Variants in COL6A3 observed in about 807,000 individuals in gnomAD.
COL6A3 encodes collagen type VI alpha 3 chain, also known as collagen alpha-3(VI) chain.
In COL6A3, 137 loss-of-function variants were observed where a neutral mutation model predicts 274.1. That is an observed-to-expected ratio of 0.50 (90% CI 0.44 to 0.58). The LOEUF is 0.58. Ranked by LOEUF, COL6A3 falls within the 20% of genes least tolerant of loss-of-function variation. The pLI is 0.00. For missense variants in COL6A3, 3,950 were observed against 4,124.9 expected (o/e 0.96, Z 1.16); for synonymous variants, 1,650 against 1,650.6 (o/e 1.00, Z 0.01).
At chr2:237,401,205 A>G (rs941553838) in intron 1 of COL6A3, among the ~76,000 whole-genome samples, 1 of 152,236 alleles carries the variant, frequency 6.6e-6, no homozygotes, top group African/African-American at 2.4e-5. Context: ...AACTGAAAAC[A>G]GAATTATCAT....
rs141280228 is a variant in COL6A3 at position 237,379,156 on chromosome 2, G to A, written c.1977C>T (p.Arg659=). The part of the protein sequence containing the change: ...NVGKTNFPYV[R]DFVMNLVNSL... ...TGTTAACTAGGTTCATTACAAAGTC[G>A]CGCACATAAGGGAAATTGGTTTTTC... Residue 659 remains arginine (R), a synonymous_variant, in exon 6 of 44, where the codon CGC becomes CGT. Transcript: ENST00000295550. 8.1e-5 allele frequency: 131 copies of A among 1,614,048 alleles called. No individual in the cohort carries two copies. Among genetic ancestry groups the A allele is most frequent in the Admixed American group, 1.2e-4 (7 of 60,000 alleles).
In COL6A3 at chr2:237,371,249, C is replaced by T. The variant is rs114653728; in HGVS notation, c.4285+483G>A. ...CTCCCTGGATGCCATGAGCAATAGA[C>T]CCAACTTGTTCAGTCGCAGGTGTGT... is the stretch of plus-strand genomic sequence containing the variant. On this transcript the variant is annotated intron_variant, in intron 9 of 43. Coordinates refer to ENST00000295550, the MANE Select transcript of COL6A3 (RefSeq NM_004369.4). The surrounding 1 kb of genome is among the most constrained non-coding windows in gnomAD (Gnocchi z 4.3). Among the ~76,000 whole-genome samples the T allele has an allele frequency of 5.7e-3, 863 of 152,266 alleles. 3 individuals carry two copies. The highest frequency in any genetic ancestry group is 0.02 in the African/African-American group (825 of 41,554).
At position 237,368,797 on chromosome 2, in the gene COL6A3, C is replaced by T. The variant is rs1278099082; in HGVS notation, c.4666G>A (p.Val1556Met). Residue 1556 changes from valine to methionine, a missense_variant, in exon 10 of 44, where the codon GTG becomes ATG. Physicochemically the swap from Val to Met is conservative, Grantham distance 21. Coordinates refer to ENST00000295550, the MANE Select transcript of COL6A3 (RefSeq NM_004369.4). The surrounding 1 kb of genome is among the most constrained non-coding windows in gnomAD (Gnocchi z 4.4). ...LVLGGKSQDDVSRFAQVIRSS... is the reference protein window; with the variant it reads ...LVLGGKSQDDMSRFAQVIRSS... ...CGGATCACCTGGGCGAACCTGGACA[C>T]ATCGTCCTGGGATTTTCCACCCAGG... The T allele has an allele frequency of 6.2e-7, 1 of 1,614,246 alleles. No individual in the cohort carries two copies. Among genetic ancestry groups the T allele is most frequent in the Non-Finnish European group, 8.5e-7 (1 of 1,180,042 alleles).
At chr2:237,375,878 G>A (rs67210443) in intron 7 of COL6A3, among the ~76,000 whole-genome samples, 41,469 of 152,090 alleles carry the variant, frequency 0.27, 5,699 homozygotes, top group Middle Eastern at 0.32. Flanking sequence ...GTGTTACTTT[G>A]TTATAACAGC....
At chr2:237,341,616 G>A (rs1184255478) in intron 37 of COL6A3, among the ~76,000 whole-genome samples, 1 of 149,284 alleles carries the variant, frequency 6.7e-6, no homozygotes, top group East Asian at 2.0e-4. Flanking sequence ...ATTTGATTAT[G>A]GCCAGATTTC....
At chr2:237,358,859 ATGTAC>A (rs1291135977) in intron 20 of COL6A3, among the ~76,000 whole-genome samples, 171 bp downstream of exon 20, 1 of 152,192 alleles carries the variant, frequency 6.6e-6, no homozygotes, top group African/African-American at 2.4e-5. Flanking sequence ...AAACAAGAAA[ATGTAC>A]TGTAATGTGT....
chr2:237,351,276 T>C, intron 26 of COL6A3, 84 bp from the exon 27 acceptor site: 3 of 1,349,470 alleles, frequency 2.2e-6, no homozygotes, highest in Admixed American at 1.7e-5. Context: ...CTCCCCTGCA[T>C]GGAAGTCAGA....
intron 38 of COL6A3, 29 bp from the exon 39 acceptor site, chr2:237,339,146 G>T: frequency 6.8e-7 from 1 of 1,460,552 alleles, no homozygotes; most frequent in Non-Finnish European, 9.6e-7. Flanking sequence ...GAAAACAATT[G>T]AACCGCATGC....
At chr2:237,381,702 C>G (rs1426017201) in intron 4 of COL6A3, among the ~76,000 whole-genome samples, 1 of 152,232 alleles carries the variant, frequency 6.6e-6, no homozygotes, top group African/African-American at 2.4e-5. Context: ...AGCTGGCTCA[C>G]CTTCCACCCT....
chr2:237,327,630 A>G (rs1412126231), intron 42 of COL6A3: 1 of 152,212 alleles, frequency 6.6e-6, no homozygotes, highest in African/African-American at 2.4e-5. Context: ...GAAAACCAAG[A>G]GAAATATATT....
intron 4 of COL6A3, 23 bp from the exon 5 acceptor site, chr2:237,381,522 G>T: frequency 1.3e-6 from 2 of 1,566,346 alleles, no homozygotes; most frequent in Non-Finnish European, 1.7e-6. Context: ...ACATTATAAG[G>T]CAATTAGAAT....
Position 237,352,517 on chromosome 2 carries a change from C to A in COL6A3, c.6753+5G>T. 1.2e-6 allele frequency: 2 copies of A among 1,610,806 alleles called. No homozygotes were observed. Among genetic ancestry groups the A allele is most frequent in the Non-Finnish European group, 1.7e-6 (2 of 1,178,672 alleles). On this transcript the variant is annotated splice_donor_5th_base_variant and intron_variant, in intron 26 of 43. Transcript: ENST00000295550. ...GAGAGGGGGCTGGTATTAGGACAGGCTTACCCGAGGTCCAGAAATGCCTTG... is the reference window on the plus strand; with the variant it reads ...GAGAGGGGGCTGGTATTAGGACAGGATTACCCGAGGTCCAGAAATGCCTTG...
At chr2:237,403,699 T>G (rs190513883) in intron 1 of COL6A3, among the ~76,000 whole-genome samples, 371 of 152,238 alleles carry the variant, frequency 2.4e-3, no homozygotes, top group African/African-American at 8.2e-3. Flanking sequence ...CAGTCTCCAG[T>G]GCTTGTGCTG....
rs35490728 is a variant in COL6A3 at position 237,332,117 on chromosome 2, A to ATATATATATATATATATATG, written c.9328+1332_9328+1333insCATATATATATATATATATA. Among the ~76,000 whole-genome samples, 74 of 64,200 alleles carry ATATATATATATATATATATG rather than the reference A, an allele frequency of 1.2e-3. 11 individuals are homozygous for ATATATATATATATATATATG. The highest frequency in any genetic ancestry group is 3.4e-3 in the South Asian group (5 of 1,468). The allele number at this position is 64,200 out of a possible 152,430, so 42.1% of individuals were successfully genotyped here. On this transcript the variant is annotated intron_variant, in intron 42 of 43. Coordinates refer to ENST00000295550, the MANE Select transcript of COL6A3 (RefSeq NM_004369.4). ...TATATATATATATATATATATATAT[A>ATATATATATATATATATATG]TGAAAAGAAAAACAAAACAGCCCAG... is the stretch of plus-strand genomic sequence containing the variant.
At chr2:237,393,670 C>T (rs73093789) in intron 3 of COL6A3, among the ~76,000 whole-genome samples, 1,951 of 152,256 alleles carry the variant, frequency 0.013, 55 homozygotes, top group African/African-American at 0.044. Context: ...CTCTGCCCAT[C>T]GCTGATGAGT....
chr2:237,378,901 C>T lies in COL6A3; in HGVS notation c.2232G>A (p.Pro744=), dbSNP rs368826874. The T allele has an allele frequency of 1.6e-5, 26 of 1,614,100 alleles. No individual in the cohort carries two copies. Among genetic ancestry groups the T allele is most frequent in the African/African-American group, 5.3e-5 (4 of 74,942 alleles). The change falls in exon 6 of 44, where the codon CCG becomes CCA. Residue 744 remains proline, a synonymous_variant. Coordinates refer to ENST00000295550, the MANE Select transcript of COL6A3 (RefSeq NM_004369.4). ...AGGSRIREHV[P]QLLLLLTAGQ... ...CAGCTGTGAGCAGAAGCAGGAGCTG[C>T]GGCACGTGTTCACGGATCCTGCTGC...
intron 26 of COL6A3, 42 bp from the exon 27 acceptor site, chr2:237,351,234 C>G: frequency 6.3e-7 from 1 of 1,598,982 alleles, no homozygotes; most frequent in Non-Finnish European, 8.6e-7. Flanking sequence ...AGTGGCCAAC[C>G]GTCCAGGCAA....
intron 7 of COL6A3, among the ~76,000 whole-genome samples, chr2:237,375,678 G>A (rs2077820170): frequency 6.6e-6 from 1 of 152,136 alleles, no homozygotes; most frequent in Non-Finnish European, 1.5e-5. Flanking sequence ...GAGTAGCTGG[G>A]ATTACAGGCA....
chr2:237,381,475 A>C lies in COL6A3; in HGVS notation c.1337T>G (p.Ile446Arg). 1 of 1,605,124 alleles carries C rather than the reference A, an allele frequency of 6.2e-7. No homozygotes were observed. The change falls in exon 5 of 44, where the codon ATA (isoleucine) becomes AGA (arginine). Residue 446 changes from isoleucine to arginine, a missense_variant. Physicochemically the swap from Ile to Arg is moderately conservative, Grantham distance 97 (BLOSUM62 -3). Coordinates refer to ENST00000295550, the MANE Select transcript of COL6A3 (RefSeq NM_004369.4). ...AGATGAGCCATCCACCAGGAAGACTATGTCTCTCTTGTTGACTTCAATGAC... is the reference window on the plus strand; with the variant it reads ...AGATGAGCCATCCACCAGGAAGACTCTGTCTCTCTTGTTGACTTCAATGAC... ...TQVIEVNKRD[I>R]VFLVDGSSAL... is the part of the protein sequence containing the mutation.
Sources: allele counts gnomAD v4.1 joint callset (sites outside exome capture counted in the v4.1 genomes callset), GRCh38; gene constraint gnomAD v4.1.1; non-coding constraint Gnocchi (gnomAD v3.1); transcripts MANE v1.5; gene names NCBI Gene and HGNC (gene_info 2026-07-23, HGNC 2026-07-21).